LRP5: variants seen among roughly 807,000 people sequenced by gnomAD.
LRP5 encodes LDL receptor related protein 5.
Under a neutral mutation model 154.1 loss-of-function variants are expected in LRP5, and 62 were observed. The ratio of observed to expected loss-of-function variants is 0.40; its 90% CI spans 0.33 to 0.50. LRP5 has a LOEUF of 0.50. LRP5 is among the 20% of genes least tolerant of loss of function. The probability of loss-of-function intolerance (pLI) is 0.55; values close to 1 mark genes in which losing one functional copy is unlikely to be tolerated. For missense variants in LRP5, 1,915 were observed against 2,336.7 expected (o/e 0.82, Z 3.72); for synonymous variants, 966 against 1,011.5 (o/e 0.96, Z 0.85).
At chr11:68,407,468 G>A (rs1186019239) in intron 9 of LRP5, among the ~76,000 whole-genome samples, 75 of 150,116 alleles carry the variant, frequency 5.0e-4, no homozygotes, top group African/African-American at 1.7e-3. Context: ...CACCGTTCCC[G>A]GCCTAGGAAA....
intron 1 of LRP5, among the ~76,000 whole-genome samples, chr11:68,330,512 A>G (rs1252044594): frequency 6.6e-6 from 1 of 152,110 alleles, no homozygotes; most frequent in African/African-American, 2.4e-5. Context: ...CGACCCAGAC[A>G]GTGCTTGTGA....
intron 1 of LRP5, among the ~76,000 whole-genome samples, chr11:68,319,315 G>T (rs1438970481): frequency 6.6e-6 from 1 of 151,952 alleles, no homozygotes; most frequent in East Asian, 1.9e-4. Flanking sequence ...TGATCTGCCT[G>T]CCTCGGCCTC....
At chr11:68,377,197 G>A (rs147369429) in intron 5 of LRP5, among the ~76,000 whole-genome samples, 1,716 of 152,274 alleles carry the variant, frequency 0.011, 34 homozygotes, top group African/African-American at 0.039. Context: ...CACAGGAGGG[G>A]CTGGCTGGCA....
intron 1 of LRP5, among the ~76,000 whole-genome samples, chr11:68,344,075 G>T (rs1275622632): frequency 6.6e-6 from 1 of 152,008 alleles, no homozygotes; most frequent in Non-Finnish European, 1.5e-5. Flanking sequence ...GCCCAGTCAG[G>T]GGTGGCGCCT....
chr11:68,361,290 G>A (rs1377198659), intron 3 of LRP5, among the ~76,000 whole-genome samples: 1 of 149,514 alleles, frequency 6.7e-6, no homozygotes, highest in African/African-American at 2.5e-5. Context: ...GGGCTACAGA[G>A]CGAGACTCTG....
chr11:68,312,957 T>C (rs1469536087), intron 1 of LRP5, among the ~76,000 whole-genome samples, 152 bp downstream of exon 1: 1 of 146,878 alleles, frequency 6.8e-6, no homozygotes, highest in Non-Finnish European at 1.5e-5. Context: ...CCCCCTGCCG[T>C]CCCCGGCGTC....
intron 6 of LRP5, among the ~76,000 whole-genome samples, chr11:68,387,900 G>A (rs1487478170): frequency 2.6e-5 from 4 of 152,230 alleles, no homozygotes; most frequent in Non-Finnish European, 4.4e-5. Flanking sequence ...CAGGGCACCC[G>A]TCGGGCAGCG....
chr11:68,350,408 G>C (rs983037227), intron 2 of LRP5, among the ~76,000 whole-genome samples: 1 of 152,240 alleles, frequency 6.6e-6, no homozygotes, highest in African/African-American at 2.4e-5. Context: ...ACAGGAGCCC[G>C]CCTGCCCTCC....
chr11:68,347,987 T>A lies in LRP5; in HGVS notation c.232T>A (p.Tyr78Asn), dbSNP rs764497512. Residue 78 changes from tyrosine to asparagine, a missense_variant, in exon 2 of 23, where the codon TAC becomes AAC. Transcript: ENST00000294304. ...CTTCCAGTTTTCCAAGGGAGCCGTG[T>A]ACTGGACAGACGTGAGCGAGGAGGC... Reference protein sequence around the residue: ...VDFQFSKGAVYWTDVSEEAIK... With the variant: ...VDFQFSKGAVNWTDVSEEAIK... 6.2e-7 allele frequency: 1 copy of A among 1,614,150 alleles called. No homozygotes were observed. Among genetic ancestry groups the A allele is most frequent in the South Asian group, 1.1e-5 (1 of 91,086 alleles).
At chr11:68,341,395 C>T (rs539640669) in intron 1 of LRP5, among the ~76,000 whole-genome samples, 1 of 152,232 alleles carries the variant, frequency 6.6e-6, no homozygotes, top group South Asian at 2.1e-4. Context: ...CCTCAGGTGT[C>T]TGCCACCCTG....
chr11:68,303,094 A>G, the LRP5 span, among the ~76,000 whole-genome samples: 2 of 152,176 alleles, frequency 1.3e-5, no homozygotes, highest in Non-Finnish European at 2.9e-5. Flanking sequence ...CCATGGTGGC[A>G]AAGATGCAGC....
In LRP5 at chr11:68,334,641, G is replaced by C. The variant is rs537215831; in HGVS notation, c.92-13206G>C. 3.0e-3 allele frequency among the ~76,000 whole-genome samples: 450 copies of C among 152,290 alleles called. 2 individuals are homozygous for C. Among genetic ancestry groups the C allele is most frequent in the Middle Eastern group, 0.014 (4 of 294 alleles). On this transcript the variant is annotated intron_variant, in intron 1 of 22. Transcript: ENST00000294304. ...TGTAATTCCAGCACTTTGGGAGGCTGAGGTGGGTGGATCACTTGAGGTTAG... is the reference window on the plus strand; with the variant it reads ...TGTAATTCCAGCACTTTGGGAGGCTCAGGTGGGTGGATCACTTGAGGTTAG...
intron 1 of LRP5, among the ~76,000 whole-genome samples, 186 bp from the exon 2 acceptor site, chr11:68,347,661 G>A (rs1053214127): frequency 1.3e-5 from 2 of 152,356 alleles, no homozygotes; most frequent in Non-Finnish European, 1.5e-5. Context: ...AGGAGCCTCT[G>A]AATGATGCGG....
chr11:68,429,797 C>T, intron 17 of LRP5, 97 bp downstream of exon 17: 1 of 1,513,978 alleles, frequency 6.6e-7, no homozygotes, highest in Admixed American at 1.7e-5. Context: ...ATCACAGTCC[C>T]TGTGGCATCC....
chr11:68,447,913 TTGCTTGAACTCAGGATGG>T lies in LRP5; in HGVS notation c.4587-895_4587-878del, dbSNP rs1438609588. Reference sequence around the variant, plus strand: ...GTCAGGAGCCATCTTGCGAGTCAGGTTGCTTGAACTCAGGATGGAAGTGTTCCGGGCCCATTGGTTGCT... The same window carrying T: ...GTCAGGAGCCATCTTGCGAGTCAGGTAAGTGTTCCGGGCCCATTGGTTGCT... On this transcript the variant is annotated intron_variant, in intron 22 of 22. Transcript: ENST00000294304. This position sits in a 1 kb window ranked among gnomAD's most constrained non-coding sequence, Gnocchi z 4.3. Among the ~76,000 whole-genome samples the T allele has an allele frequency of 6.6e-6, 1 of 152,102 alleles. No individual in the cohort carries two copies. The highest frequency in any genetic ancestry group is 1.5e-5 in the Non-Finnish European group (1 of 68,008).
intron 21 of LRP5, among the ~76,000 whole-genome samples, chr11:68,445,015 G>T (rs2098680653): frequency 6.6e-6 from 1 of 152,164 alleles, no homozygotes; most frequent in Admixed American, 6.5e-5. Context: ...CCACTCCCCA[G>T]AGGCTACTCA....
the LRP5 span, among the ~76,000 whole-genome samples, chr11:68,303,028 A>T: frequency 1.3e-5 from 2 of 152,178 alleles, no homozygotes; most frequent in Admixed American, 6.5e-5. Flanking sequence ...GAGCGGAGGC[A>T]GCTGAGGTGG....
intron 1 of LRP5, among the ~76,000 whole-genome samples, chr11:68,341,083 T>C (rs2098608862): frequency 6.6e-6 from 1 of 150,776 alleles, no homozygotes; most frequent in Non-Finnish European, 1.5e-5. Flanking sequence ...TTTTTTGCTA[T>C]TACAAATAAG....
intron 5 of LRP5, among the ~76,000 whole-genome samples, chr11:68,369,135 G>T (rs1757254170): frequency 6.6e-6 from 1 of 152,196 alleles, no homozygotes; most frequent in South Asian, 2.1e-4. Flanking sequence ...ACTGTGCCTG[G>T]CCTATGCCTG....
Sources: allele counts gnomAD v4.1 joint callset (sites outside exome capture counted in the v4.1 genomes callset), GRCh38; gene constraint gnomAD v4.1.1; non-coding constraint Gnocchi (gnomAD v3.1); transcripts MANE v1.5; gene names NCBI Gene and HGNC (gene_info 2026-07-23, HGNC 2026-07-21).